The following EYA3 variants were observed in gnomAD, a reference collection of about 807,000 sequenced individuals.
The protein encoded by EYA3 is EYA transcriptional coactivator and phosphatase 3, also known as protein phosphatase EYA3.
EYA3 carries 39 observed loss-of-function variants against 80.0 expected under a neutral mutation model. The observed-to-expected ratio is 0.49, with a 90% confidence interval of 0.38 to 0.64. The LOEUF is 0.64. Among genes scored for constraint, EYA3 ranks in the 30% least tolerant of loss-of-function variants. EYA3 has a pLI of 0.00. For synonymous variants in EYA3, 206 were observed against 232.8 expected (o/e 0.88, Z 1.05); for missense variants, 523 against 676.1 (o/e 0.77, Z 2.51).
At chr1:28,039,182 T>C (rs759550857) in intron 4 of EYA3, among the ~76,000 whole-genome samples, 10 of 152,198 alleles carry the variant, frequency 6.6e-5, no homozygotes, top group Non-Finnish European at 1.5e-4. Flanking sequence ...TCTAAAATAA[T>C]AGATGAAGCA....
chr1:28,042,990 G>A (rs1281888303), intron 3 of EYA3, among the ~76,000 whole-genome samples: 2 of 152,026 alleles, frequency 1.3e-5, no homozygotes, highest in Non-Finnish European at 2.9e-5. Flanking sequence ...GATTACAGGT[G>A]CATGCCACCA....
At chr1:28,067,130 G>T (rs1267673145) in intron 1 of EYA3, among the ~76,000 whole-genome samples, 1 of 152,170 alleles carries the variant, frequency 6.6e-6, no homozygotes, top group Non-Finnish European at 1.5e-5. Context: ...GTATAAAAGA[G>T]GTCATAAGAT....
Position 28,057,312 on chromosome 1 carries a change from T to G in EYA3, c.33+682A>C, listed in dbSNP as rs186454305. On this transcript the variant is annotated intron_variant, in intron 2 of 17. Coordinates refer to ENST00000373871, the MANE Select transcript of EYA3 (RefSeq NM_001990.4). ...TGTACCATGCTGTATCCTCTCTTAA[T>G]ATGAAATGTAAGAGGCCCACTCAGG... 1.4e-3 allele frequency among the ~76,000 whole-genome samples: 213 copies of G among 152,222 alleles called. 1 individual carries two copies. Among genetic ancestry groups the G allele is most frequent in the African/African-American group, 4.7e-3 (197 of 41,560 alleles).
At chr1:28,084,352 G>A (rs1452403139) in intron 1 of EYA3, among the ~76,000 whole-genome samples, 1 of 151,500 alleles carries the variant, frequency 6.6e-6, no homozygotes, top group Non-Finnish European at 1.5e-5. Flanking sequence ...TATTTGCTAT[G>A]TTATCTGACA....
intron 3 of EYA3, among the ~76,000 whole-genome samples, chr1:28,045,630 G>A (rs530288725): frequency 7.9e-5 from 12 of 152,214 alleles, no homozygotes; most frequent in African/African-American, 2.6e-4. Context: ...ACAGCACCAA[G>A]ACAGTGAGTT....
chr1:28,044,944 G>T (rs1158198114), intron 3 of EYA3, among the ~76,000 whole-genome samples: 1 of 151,924 alleles, frequency 6.6e-6, no homozygotes, highest in Non-Finnish European at 1.5e-5. Flanking sequence ...GCTAATTTTT[G>T]TAATTTTTGT....
rs549361023 is a variant in EYA3 at position 28,050,178 on chromosome 1, A to T, written c.34-1752T>A. Among the ~76,000 whole-genome samples the T allele has an allele frequency of 2.3e-4, 26 of 114,320 alleles. No individual in the cohort carries two copies. In the South Asian group the frequency reaches 2.9e-3, roughly 13 times the overall value. The allele number at this position is 114,320 out of a possible 152,430, so 75.0% of individuals were successfully genotyped here. On this transcript the variant is annotated intron_variant, in intron 2 of 17. Coordinates refer to ENST00000373871, the MANE Select transcript of EYA3 (RefSeq NM_001990.4). Reference sequence around the variant, plus strand: ...ACATTTTTAAATTTACTTTTTATTTATTATTATTATTATTATTATTATTAT... The same window carrying T: ...ACATTTTTAAATTTACTTTTTATTTTTTATTATTATTATTATTATTATTAT...
intron 1 of EYA3, among the ~76,000 whole-genome samples, chr1:28,087,132 G>C (rs149906661): frequency 6.6e-6 from 1 of 152,104 alleles, no homozygotes; most frequent in Admixed American, 6.5e-5. Flanking sequence ...CTGCAATCAA[G>C]TGCTAGATAT....
At chr1:28,082,203 A>C (rs868021940) in intron 1 of EYA3, among the ~76,000 whole-genome samples, 4 of 152,314 alleles carry the variant, frequency 2.6e-5, no homozygotes, top group Middle Eastern at 6.8e-3. Context: ...GTCACTTCTT[A>C]CCAGAAATAT....
chr1:28,035,775 G>T, intron 5 of EYA3, 95 bp from the exon 6 acceptor site: 1 of 1,153,234 alleles, frequency 8.7e-7, no homozygotes, highest in African/African-American at 1.6e-5. Context: ...CAAAGAATCT[G>T]CAACAAGGAG....
At chr1:28,079,433 T>G (rs1195018886) in intron 1 of EYA3, among the ~76,000 whole-genome samples, 1 of 152,202 alleles carries the variant, frequency 6.6e-6, no homozygotes, top group East Asian at 1.9e-4. Flanking sequence ...AAGACTGGAC[T>G]TGGGCCAGAA....
intron 16 of EYA3, among the ~76,000 whole-genome samples, chr1:27,985,447 C>T (rs942777614): frequency 1.3e-5 from 2 of 152,084 alleles, no homozygotes; most frequent in Non-Finnish European, 2.9e-5. Flanking sequence ...TCTTTCAAGA[C>T]ACCATTCTTC....
intron 7 of EYA3, among the ~76,000 whole-genome samples, chr1:28,021,970 T>G (rs1055797945): frequency 6.6e-6 from 1 of 152,114 alleles, no homozygotes; most frequent in African/African-American, 2.4e-5. Flanking sequence ...ATTATGTGAC[T>G]AATATAACTG....
chr1:28,049,097 AG>A (rs1644142835), intron 2 of EYA3, among the ~76,000 whole-genome samples: 2 of 152,360 alleles, frequency 1.3e-5, no homozygotes, highest in South Asian at 4.1e-4. Flanking sequence ...TAATATGCTT[AG>A]CCATTCAAAT....
chr1:27,995,895 C>T (rs574450539), intron 13 of EYA3, among the ~76,000 whole-genome samples: 3 of 152,136 alleles, frequency 2.0e-5, no homozygotes, highest in South Asian at 2.1e-4. Context: ...TTTTTTAAGA[C>T]GGAGTCTCAC....
chr1:28,069,356 A>C (rs2148925346), intron 1 of EYA3, among the ~76,000 whole-genome samples: 1 of 151,464 alleles, frequency 6.6e-6, no homozygotes, highest in African/African-American at 2.4e-5. Flanking sequence ...TGATCTACCC[A>C]CCTCGGCCTC....
Position 28,038,860 on chromosome 1 carries a change from G to A in EYA3, c.203C>T (p.Thr68Ile). Residue 68 changes from threonine to isoleucine, a missense_variant, in exon 5 of 18, where the codon ACC becomes ATC. Around this residue, in one of 2 missense-constraint regions of EYA3, gnomAD observed 304 missense variants for 343.3 expected, o/e 0.89. Coordinates refer to ENST00000373871, the MANE Select transcript of EYA3 (RefSeq NM_001990.4). ...DYIPRSSNDY[T>I]SQMYSAKPYA... is the part of the protein sequence containing the mutation. ...TTACTTTGCAGAATACATTTGTGAG[G>A]TATAATCATTGGATGAGCGAGGGAT... The A allele has an allele frequency of 6.3e-7, 1 of 1,597,072 alleles. No individual in the cohort carries two copies. The highest frequency in any genetic ancestry group is 1.7e-5 in the Admixed American group (1 of 59,612).
chr1:28,003,437 C>T (rs1168278888), intron 11 of EYA3, among the ~76,000 whole-genome samples: 1 of 152,106 alleles, frequency 6.6e-6, no homozygotes, highest in African/African-American at 2.4e-5. Flanking sequence ...CTACTGTACT[C>T]CAGCCTGGGT....
intron 1 of EYA3, among the ~76,000 whole-genome samples, chr1:28,083,026 G>C (rs954639375): frequency 2.0e-5 from 3 of 152,140 alleles, no homozygotes; most frequent in Non-Finnish European, 4.4e-5. Flanking sequence ...ATTCTTTTGT[G>C]TTTCAGACAA....
Sources: allele counts gnomAD v4.1 joint callset (sites outside exome capture counted in the v4.1 genomes callset), GRCh38; gene constraint gnomAD v4.1.1; regional missense constraint gnomAD v4.1.1; transcripts MANE v1.5; gene names NCBI Gene and HGNC (gene_info 2026-07-23, HGNC 2026-07-21).